The following ZBTB7C variants were observed in gnomAD, a reference collection of about 807,000 sequenced individuals.
The protein encoded by ZBTB7C is zinc finger and BTB domain-containing protein 7C.
ZBTB7C carries 8 observed loss-of-function variants against 25.7 expected under a neutral mutation model. The observed-to-expected ratio is 0.31, with a 90% confidence interval of 0.18 to 0.56. ZBTB7C has a LOEUF of 0.56. Ranked by LOEUF, ZBTB7C falls within the 20% of genes least tolerant of loss-of-function variation. ZBTB7C has a pLI of 0.91. For synonymous variants in ZBTB7C, 394 were observed against 369.0 expected (o/e 1.07, Z -0.78); for missense variants, 824 against 855.2 (o/e 0.96, Z 0.46).
chr18:48,367,340 A>G (rs2047263990), intron 1 of ZBTB7C, among the ~76,000 whole-genome samples: 1 of 65,732 alleles, frequency 1.5e-5, no homozygotes, highest in Non-Finnish European at 3.0e-5. Context: ...ATATACATAT[A>G]TGTGTGCATA....
intron 3 of ZBTB7C, among the ~76,000 whole-genome samples, chr18:48,055,849 T>A (rs1261702440): frequency 6.6e-6 from 1 of 152,090 alleles, no homozygotes; most frequent in Non-Finnish European, 1.5e-5. Context: ...AAATTTACAG[T>A]GAAAATATTC....
At chr18:48,373,726 T>C (rs756969266) in intron 1 of ZBTB7C, among the ~76,000 whole-genome samples, 6 of 151,964 alleles carry the variant, frequency 3.9e-5, no homozygotes, top group East Asian at 1.9e-4. Flanking sequence ...CTTTGGGAGG[T>C]CAAGGCGGGC....
chr18:48,037,431 C>T (rs1316346174), intron 4 of ZBTB7C, among the ~76,000 whole-genome samples: 2 of 152,228 alleles, frequency 1.3e-5, no homozygotes, highest in African/African-American at 2.4e-5. Flanking sequence ...TCCTATACAA[C>T]ACAGCACTGC....
intron 2 of ZBTB7C, among the ~76,000 whole-genome samples, chr18:48,317,769 C>G (rs2045984773): frequency 6.6e-6 from 1 of 152,196 alleles, no homozygotes; most frequent in African/African-American, 2.4e-5. Context: ...GGTTCTCAAT[C>G]CTGGCTAACA....
intron 3 of ZBTB7C, among the ~76,000 whole-genome samples, chr18:48,157,279 T>C (rs1379479041): frequency 6.6e-6 from 1 of 151,840 alleles, no homozygotes; most frequent in African/African-American, 2.4e-5. Flanking sequence ...ATATAGACAA[T>C]AGGTTTGGCT....
At chr18:48,386,159 C>G (rs890628904) in intron 1 of ZBTB7C, among the ~76,000 whole-genome samples, 1 of 152,202 alleles carries the variant, frequency 6.6e-6, no homozygotes, top group Non-Finnish European at 1.5e-5. Context: ...TCAAAAAAGG[C>G]TTCTCCATCC....
intron 4 of ZBTB7C, among the ~76,000 whole-genome samples, chr18:48,033,284 G>T (rs536845217): frequency 5.9e-5 from 9 of 152,148 alleles, no homozygotes; most frequent in African/African-American, 2.2e-4. Context: ...TACAGCTGGT[G>T]GGGGCAAAGG....
intron 3 of ZBTB7C, among the ~76,000 whole-genome samples, chr18:48,183,817 C>A (rs2041988603): frequency 6.6e-6 from 1 of 152,276 alleles, no homozygotes; most frequent in African/African-American, 2.4e-5. Context: ...ACACACAAGC[C>A]CTGCCCCCTG....
intron 2 of ZBTB7C, among the ~76,000 whole-genome samples, chr18:48,220,032 T>A (rs1443425428): frequency 6.6e-6 from 1 of 152,196 alleles, no homozygotes; most frequent in Non-Finnish European, 1.5e-5. Context: ...TCCGCAGATG[T>A]GGCACAGAGC....
At chr18:48,190,570 T>C (rs16948837) in intron 2 of ZBTB7C, among the ~76,000 whole-genome samples, 4,561 of 152,268 alleles carry the variant, frequency 0.03, 235 homozygotes, top group African/African-American at 0.1. Flanking sequence ...ACTCTACCTA[T>C]ATGACTTGTG....
intron 2 of ZBTB7C, among the ~76,000 whole-genome samples, chr18:48,308,056 A>G (rs910172568): frequency 2.0e-5 from 3 of 152,146 alleles, no homozygotes; most frequent in Non-Finnish European, 2.9e-5. Flanking sequence ...TCTAAGTTGG[A>G]CTTTTGTATA....
chr18:48,057,248 T>C lies in ZBTB7C; in HGVS notation c.-16-16125A>G, dbSNP rs372399645. 2.6e-5 allele frequency among the ~76,000 whole-genome samples: 4 copies of C among 152,310 alleles called. No individual in the cohort carries two copies. In the South Asian group the frequency reaches 8.3e-4, roughly 32 times the overall value. ...CTCAGCAATTACCCTTATAGATATA[T>C]ATCTTGCAATTTCACTACTGCCATA... On this transcript the variant is annotated intron_variant, in intron 3 of 4. Transcript: ENST00000590800.
intron 2 of ZBTB7C, among the ~76,000 whole-genome samples, chr18:48,337,764 C>T (rs1036975027): frequency 6.6e-6 from 1 of 152,236 alleles, no homozygotes; most frequent in African/African-American, 2.4e-5. Context: ...CTATTCCTCA[C>T]ACATCATGGA....
intron 1 of ZBTB7C, among the ~76,000 whole-genome samples, chr18:48,393,822 T>G (rs1163124634): frequency 6.6e-6 from 1 of 152,170 alleles, no homozygotes; most frequent in African/African-American, 2.4e-5. Context: ...GAAAATGATG[T>G]TTCTTTGCTT....
chr18:48,049,587 C>T (rs1034173754), intron 3 of ZBTB7C, among the ~76,000 whole-genome samples: 1 of 151,898 alleles, frequency 6.6e-6, no homozygotes, highest in Non-Finnish European at 1.5e-5. Context: ...CCGTGGGATA[C>T]CTGACATTTG....
chr18:48,287,783 C>T (rs1034987142), intron 2 of ZBTB7C, among the ~76,000 whole-genome samples: 6 of 152,078 alleles, frequency 3.9e-5, no homozygotes, highest in Non-Finnish European at 7.4e-5. Flanking sequence ...TGCAATTCAC[C>T]ACCATAAAGA....
chr18:48,354,032 T>C (rs1284968691), intron 1 of ZBTB7C, among the ~76,000 whole-genome samples: 2 of 152,214 alleles, frequency 1.3e-5, no homozygotes, highest in Non-Finnish European at 2.9e-5. Flanking sequence ...ACTCAATTGG[T>C]AGCAGAAATC....
chr18:48,286,253 T>C (rs1031047190), intron 2 of ZBTB7C, among the ~76,000 whole-genome samples: 1 of 151,914 alleles, frequency 6.6e-6, no homozygotes, highest in African/African-American at 2.4e-5. Context: ...TGTGTGTGTG[T>C]GTGTGTGTGT....
chr18:48,305,872 C>T (rs960877311), intron 2 of ZBTB7C, among the ~76,000 whole-genome samples: 1 of 152,214 alleles, frequency 6.6e-6, no homozygotes, highest in Non-Finnish European at 1.5e-5. Flanking sequence ...GGCATGTCCA[C>T]TGGTGGCCAG....
Sources: allele counts gnomAD v4.1 joint callset (sites outside exome capture counted in the v4.1 genomes callset), GRCh38; gene constraint gnomAD v4.1.1; transcripts MANE v1.5; gene names NCBI Gene and HGNC (gene_info 2026-07-23, HGNC 2026-07-21).